HOXC5: variants seen among roughly 807,000 people sequenced by gnomAD.
The protein encoded by HOXC5 is homeobox C5.
A neutral mutation model predicts 20.1 loss-of-function variants in HOXC5; 19 were observed. That is an observed-to-expected ratio of 0.94 (90% CI 0.66 to 1.38). The LOEUF (loss-of-function observed/expected upper bound fraction) is 1.38. Ranked by LOEUF, HOXC5 falls within the 40% of genes most tolerant of loss-of-function variation. HOXC5 has a pLI of 0.00. For missense variants in HOXC5, 330 were observed against 300.1 expected (o/e 1.10, Z -0.74); for synonymous variants, 124 against 117.0 (o/e 1.06, Z -0.39).
Position 54,033,319 on chromosome 12 carries a change from A to AC in HOXC5, c.202dup (p.Arg68ProfsTer46). The AC allele has an allele frequency of 6.2e-7, 1 of 1,613,018 alleles. No homozygotes were observed. The highest frequency in any genetic ancestry group is 8.5e-7 in the Non-Finnish European group (1 of 1,179,772). On this transcript the variant is annotated frameshift_variant, in exon 1 of 2. Coordinates refer to ENST00000312492, the MANE Select transcript of HOXC5 (RefSeq NM_018953.4). LOFTEE classifies it high-confidence loss of function. ...CTCCACGGGGTAGACATGGCTGCCA[A>AC]CCCCCGGGCTCACCCCGACCGCCCC... is the stretch of plus-strand genomic sequence containing the variant.
At chr12:54,019,256 C>T in the HOXC5 span, among the ~76,000 whole-genome samples, 7 of 131,708 alleles carry the variant, frequency 5.3e-5, no homozygotes, top group Non-Finnish European at 9.3e-5. Flanking sequence ...TGTTTACGAT[C>T]GAGAAAAGCG....
chr12:54,026,556 A>G, the HOXC5 span, among the ~76,000 whole-genome samples: 11 of 152,258 alleles, frequency 7.2e-5, no homozygotes, highest in African/African-American at 2.6e-4. Context: ...AACCTTTATA[A>G]TTATAGGAGT....
At chr12:54,024,335 G>A in the HOXC5 span, among the ~76,000 whole-genome samples, 2 of 152,180 alleles carry the variant, frequency 1.3e-5, no homozygotes, top group Non-Finnish European at 2.9e-5. Context: ...TGAGGCTCCA[G>A]TGCTTGGGTC....
chr12:54,028,846 G>A (rs2136436634), upstream of HOXC5: 2 of 1,614,046 alleles, frequency 1.2e-6, no homozygotes, highest in South Asian at 1.1e-5. Context: ...TTCTGAGCAG[G>A]GCAGGACTGC....
At position 54,033,462 on chromosome 12, in the gene HOXC5, A is replaced by T. The variant is rs761555118; in HGVS notation, c.340A>T (p.Ser114Cys). The T allele has an allele frequency of 1.9e-6, 3 of 1,598,908 alleles. No individual in the cohort carries two copies. The highest frequency in any genetic ancestry group is 2.6e-6 in the Non-Finnish European group (3 of 1,174,498). The change falls in exon 1 of 2, where the codon AGC (serine) becomes TGC (cysteine). Residue 114 changes from serine (S) to cysteine (C), a missense_variant. Ser to Cys is a moderately radical substitution (Grantham distance 112, BLOSUM62 -1). Coordinates refer to ENST00000312492, the MANE Select transcript of HOXC5 (RefSeq NM_018953.4). ...ARPALEERAK[S>C]SGEIKEEQAQ... ...CCCGGCGCTGGAGGAGCGAGCTAAG[A>T]GCAGTGGGGAGATCAAAGAGGAGCA...
the HOXC5 span, chr12:54,019,820 T>C: frequency 6.6e-6 from 1 of 152,146 alleles, no homozygotes; most frequent in Non-Finnish European, 1.5e-5. Context: ...CTTTATATAA[T>C]ATTTTAATTG....
chr12:54,019,911 A>G, the HOXC5 span: 2 of 151,678 alleles, frequency 1.3e-5, no homozygotes, highest in African/African-American at 4.9e-5. Flanking sequence ...CCATCCTTAC[A>G]AGACAGAGGC....
chr12:54,033,241 A>C lies in HOXC5; in HGVS notation c.119A>C (p.Tyr40Ser). The change falls in exon 1 of 2, where the codon TAC becomes TCC. Residue 40 changes from tyrosine (Y) to serine (S), a missense_variant. Coordinates refer to ENST00000312492, the MANE Select transcript of HOXC5 (RefSeq NM_018953.4). The part of the protein sequence containing the change: ...ASEVQASRYC[Y>S]GGLDLSITFP... ...GAGGTGCAGGCATCCAGGTACTGCT[A>C]CGGCGGATTGGACTTAAGCATCACT... 6.2e-7 allele frequency: 1 copy of C among 1,614,162 alleles called. No individual in the cohort carries two copies. The highest frequency in any genetic ancestry group is 1.1e-5 in the South Asian group (1 of 91,086).
chr12:54,034,188 C>G (rs1941110323), intron 1 of HOXC5, 90 bp from the exon 2 acceptor site: 27 of 1,267,242 alleles, frequency 2.1e-5, no homozygotes, highest in Non-Finnish European at 2.9e-5. Flanking sequence ...CTCCCTCCGG[C>G]CGCGGGTGGG....
At chr12:54,018,950 G>A in the HOXC5 span, among the ~76,000 whole-genome samples, 1 of 152,118 alleles carries the variant, frequency 6.6e-6, no homozygotes, top group African/African-American at 2.4e-5. Context: ...CCTGTGGGGG[G>A]GCGGGGATGG....
At chr12:54,032,082 C>T (rs995660066), upstream of HOXC5, among the ~76,000 whole-genome samples, 2 of 152,238 alleles carry the variant, frequency 1.3e-5, no homozygotes, top group Non-Finnish European at 2.9e-5. Flanking sequence ...AAACCTCTGG[C>T]ATAGGTACCA....
chr12:54,019,495 C>T, the HOXC5 span, among the ~76,000 whole-genome samples: 7 of 152,220 alleles, frequency 4.6e-5, no homozygotes, highest in East Asian at 1.4e-3. Flanking sequence ...TGGGAATCGC[C>T]GACCGGTGAG....
Position 54,034,409 on chromosome 12 carries a change from G to C in HOXC5, c.586G>C (p.Glu196Gln). 1 of 1,614,114 alleles carries C rather than the reference G, an allele frequency of 6.2e-7. No homozygotes were observed. The highest frequency in any genetic ancestry group is 8.5e-7 in the Non-Finnish European group (1 of 1,179,906). ...GATCGCCAACAACTTGTGTCTCAAT[G>C]AGAGACAGATCAAGATCTGGTTCCA... ...IEIANNLCLN[E>Q]RQIKIWFQNR... The change falls in exon 2 of 2, where the codon GAG becomes CAG. Residue 196 changes from glutamate (E) to glutamine (Q), a missense_variant. Transcript: ENST00000312492.
the HOXC5 span, among the ~76,000 whole-genome samples, chr12:54,017,684 C>G: frequency 6.6e-6 from 1 of 152,074 alleles, no homozygotes; most frequent in Non-Finnish European, 1.5e-5. Flanking sequence ...CTGTGGGGCT[C>G]AAGCCGGCGG....
At chr12:54,026,550 T>A in the HOXC5 span, among the ~76,000 whole-genome samples, 1 of 152,224 alleles carries the variant, frequency 6.6e-6, no homozygotes, top group African/African-American at 2.4e-5. Flanking sequence ...AGGAGGAACC[T>A]TTATAATTAT....
intron 1 of HOXC5, 53 bp downstream of exon 1, chr12:54,033,629 C>A: frequency 2.9e-6 from 4 of 1,384,298 alleles, no homozygotes; most frequent in South Asian, 1.4e-5. Flanking sequence ...GTTTTATAGG[C>A]CATGCGGGGC....
Position 54,034,347 on chromosome 12 carries a change from A to C in HOXC5, c.524A>C (p.His175Pro). The change falls in exon 2 of 2, where the codon CAC becomes CCC. Residue 175 changes from histidine (H) to proline (P), a missense_variant. By Grantham distance (77) the His-to-Pro change is moderately conservative. Coordinates refer to ENST00000312492, the MANE Select transcript of HOXC5 (RefSeq NM_018953.4). ...YQTLELEKEF[H>P]FNRYLTRRRR... is the part of the protein sequence containing the mutation. ...ACTCTGGAACTCGAGAAAGAATTCCACTTTAACCGCTACCTCACTCGCCGC... is the reference window on the plus strand; with the variant it reads ...ACTCTGGAACTCGAGAAAGAATTCCCCTTTAACCGCTACCTCACTCGCCGC... 6.2e-7 allele frequency: 1 copy of C among 1,614,198 alleles called. No homozygotes were observed. The highest frequency in any genetic ancestry group is 1.3e-5 in the African/African-American group (1 of 75,046).
At chr12:54,029,726 A>C (rs1940907701), upstream of HOXC5, 1 of 1,614,074 alleles carries the variant, frequency 6.2e-7, no homozygotes. Flanking sequence ...GGAACTGGAG[A>C]AGGAATTTCA....
chr12:54,019,421 G>T, the HOXC5 span, among the ~76,000 whole-genome samples: 1 of 152,200 alleles, frequency 6.6e-6, no homozygotes, highest in Non-Finnish European at 1.5e-5. Context: ...GGCAAAGGGA[G>T]TGCGGTGGGA....
Sources: allele counts gnomAD v4.1 joint callset (sites outside exome capture counted in the v4.1 genomes callset), GRCh38; gene constraint gnomAD v4.1.1; transcripts MANE v1.5; gene names NCBI Gene and HGNC (gene_info 2026-07-23, HGNC 2026-07-21).